CSMD1: variants seen among roughly 807,000 people sequenced by gnomAD.
CSMD1 encodes CUB and Sushi multiple domains 1, also known as CUB and sushi domain-containing protein 1.
CSMD1 carries 213 observed loss-of-function variants against 417.5 expected under a neutral mutation model. The observed-to-expected ratio is 0.51, with a 90% CI of 0.46 to 0.57. The LOEUF (loss-of-function observed/expected upper bound fraction) is 0.57, where lower values mean the gene tolerates loss of function less well. Ranked by LOEUF, CSMD1 falls within the 20% of genes least tolerant of loss-of-function variation. The pLI is 0.00. For synonymous variants in CSMD1, 2,862 were observed against 1,736.8 expected (o/e 1.65, Z -16.11); for missense variants, 6,923 against 4,529.7 (o/e 1.53, Z -15.17).
At chr8:4,731,265 G>T (rs965437940) in intron 1 of CSMD1, among the ~76,000 whole-genome samples, 2 of 152,130 alleles carry the variant, frequency 1.3e-5, no homozygotes, top group African/African-American at 4.8e-5. Context: ...ACCTGCTTTT[G>T]TCTTGGTTAG....
At chr8:4,306,588 C>A (rs1051897195) in intron 3 of CSMD1, among the ~76,000 whole-genome samples, 12 of 152,160 alleles carry the variant, frequency 7.9e-5, no homozygotes, top group African/African-American at 2.2e-4. Context: ...GTGTATTAAG[C>A]ATCCTGATGC....
At chr8:3,581,723 G>A (rs1584918828) in intron 9 of CSMD1, among the ~76,000 whole-genome samples, 1 of 152,134 alleles carries the variant, frequency 6.6e-6, no homozygotes, top group Non-Finnish European at 1.5e-5. Context: ...GAGAATATGT[G>A]GCAGAAACGA....
At chr8:3,062,683 A>C (rs1486923603) in intron 49 of CSMD1, among the ~76,000 whole-genome samples, 1 of 152,152 alleles carries the variant, frequency 6.6e-6, no homozygotes, top group East Asian at 1.9e-4. Flanking sequence ...GGAAGAAAAA[A>C]AAGCATTTAT....
intron 10 of CSMD1, among the ~76,000 whole-genome samples, chr8:3,560,146 A>G (rs1260536728): frequency 6.6e-6 from 1 of 152,194 alleles, no homozygotes; most frequent in South Asian, 2.1e-4. Flanking sequence ...AAAGTTGATT[A>G]TATAACTTAT....
At chr8:3,192,183 C>T (rs1339033367) in intron 33 of CSMD1, among the ~76,000 whole-genome samples, 2 of 152,110 alleles carry the variant, frequency 1.3e-5, no homozygotes, top group Non-Finnish European at 2.9e-5. Context: ...TTTCTAACAG[C>T]ACTGATGTGG....
At chr8:4,321,564 C>T (rs4875335) in intron 3 of CSMD1, among the ~76,000 whole-genome samples, 86,166 of 151,892 alleles carry the variant, frequency 0.57, 27,398 homozygotes, top group East Asian at 0.99. Context: ...ATATAACAGA[C>T]AATAAATGGT....
intron 2 of CSMD1, among the ~76,000 whole-genome samples, chr8:4,627,018 T>C (rs1227739144): frequency 1.3e-5 from 2 of 152,210 alleles, no homozygotes. Context: ...ATACTCTAAG[T>C]AATATTATAT....
intron 5 of CSMD1, among the ~76,000 whole-genome samples, chr8:3,828,315 C>T (rs1034789156): frequency 1.3e-5 from 2 of 152,148 alleles, no homozygotes; most frequent in African/African-American, 4.8e-5. Flanking sequence ...CCTGTCTCAG[C>T]TTTCACTTAA....
chr8:4,439,810 C>A (rs1198005417), intron 2 of CSMD1, among the ~76,000 whole-genome samples: 1 of 152,068 alleles, frequency 6.6e-6, no homozygotes, highest in South Asian at 2.1e-4. Flanking sequence ...GATGTAAATT[C>A]AGGGGTGAAA....
chr8:3,453,738 G>A (rs911368713), intron 12 of CSMD1, among the ~76,000 whole-genome samples: 2 of 152,034 alleles, frequency 1.3e-5, no homozygotes, highest in Non-Finnish European at 2.9e-5. Context: ...ACAACTATGT[G>A]GTCAATTTTG....
At chr8:4,325,993 G>A (rs67410369) in intron 3 of CSMD1, among the ~76,000 whole-genome samples, 21,909 of 152,114 alleles carry the variant, frequency 0.14, 1,783 homozygotes, top group African/African-American at 0.2. Context: ...CCTGGGGTAC[G>A]AACTCAGTAA....
At chr8:3,982,061 C>T (rs1055452232) in intron 5 of CSMD1, among the ~76,000 whole-genome samples, 1 of 151,560 alleles carries the variant, frequency 6.6e-6, no homozygotes, top group African/African-American at 2.4e-5. Flanking sequence ...ATCCCAGCTA[C>T]GCAGGAGAAT....
chr8:4,958,978 C>G (rs1401211244), intron 1 of CSMD1, among the ~76,000 whole-genome samples: 1 of 152,064 alleles, frequency 6.6e-6, no homozygotes, highest in Non-Finnish European at 1.5e-5. Context: ...AAATTAAAAA[C>G]AAGAAACGTG....
chr8:3,332,853 G>A (rs1806994978), intron 23 of CSMD1, among the ~76,000 whole-genome samples: 1 of 152,172 alleles, frequency 6.6e-6, no homozygotes, highest in African/African-American at 2.4e-5. Flanking sequence ...TTGAGTGTGG[G>A]CACAGTCTGT....
chr8:4,096,438 C>T (rs760183179), intron 3 of CSMD1, among the ~76,000 whole-genome samples: 13 of 152,074 alleles, frequency 8.5e-5, no homozygotes, highest in Non-Finnish European at 1.8e-4. Flanking sequence ...AAATGCAAAC[C>T]AGATGATCCC....
chr8:4,389,798 T>C (rs1002353023), intron 3 of CSMD1, among the ~76,000 whole-genome samples: 5 of 152,250 alleles, frequency 3.3e-5, no homozygotes, highest in African/African-American at 1.2e-4. Flanking sequence ...ATGTAAAGCC[T>C]TACAACTACT....
chr8:2,976,184 T>C (rs1482640357), intron 55 of CSMD1, among the ~76,000 whole-genome samples: 11 of 151,792 alleles, frequency 7.2e-5, no homozygotes, highest in Non-Finnish European at 4.4e-5. Context: ...GATGAGTTTC[T>C]GTGTAGATTA....
intron 46 of CSMD1, among the ~76,000 whole-genome samples, chr8:3,102,283 G>C (rs143345795): frequency 1.3e-4 from 20 of 152,268 alleles, no homozygotes; most frequent in African/African-American, 4.3e-4. Flanking sequence ...AAGACATCTA[G>C]GGTCTTATTT....
intron 5 of CSMD1, among the ~76,000 whole-genome samples, chr8:3,968,371 C>G (rs1026450628): frequency 6.6e-6 from 1 of 152,126 alleles, no homozygotes; most frequent in Non-Finnish European, 1.5e-5. Context: ...AACCTGGGCA[C>G]CAGCTCAGTG....
Sources: allele counts gnomAD v4.1 joint callset (sites outside exome capture counted in the v4.1 genomes callset), GRCh38; gene constraint gnomAD v4.1.1; transcripts MANE v1.5; gene names NCBI Gene and HGNC (gene_info 2026-07-23, HGNC 2026-07-21).